The following HTR2C variants were observed in gnomAD, a reference collection of about 807,000 sequenced individuals.
HTR2C encodes the protein 5-hydroxytryptamine receptor 2C, also known as 5-hydroxytryptamine (serotonin) receptor 2C, G protein-coupled.
HTR2C carries 5 observed loss-of-function variants against 21.0 expected under a neutral mutation model. The ratio of observed to expected loss-of-function variants is 0.24; its 90% CI spans 0.12 to 0.50. The LOEUF is 0.50. Among genes scored for constraint, HTR2C ranks in the 20% least tolerant of loss-of-function variants. The pLI, the probability that HTR2C is intolerant of heterozygous loss-of-function variation, is 0.98. For synonymous variants in HTR2C, 150 were observed against 145.3 expected (o/e 1.03, Z -0.23); for missense variants, 271 against 371.2 (o/e 0.73, Z 2.22).
intron 5 of HTR2C, among the ~76,000 whole-genome samples, chrX:114,882,762 A>G (rs781810477): frequency 3.6e-5 from 4 of 110,055 alleles, no homozygotes; most frequent in Admixed American, 2.0e-4. Flanking sequence ...TTTTGTGTCC[A>G]TATTCCTAAG....
chrX:114,704,522 A>G (rs1295341610), intron 2 of HTR2C, among the ~76,000 whole-genome samples: 1 of 111,950 alleles, frequency 8.9e-6, no homozygotes, highest in African/African-American at 3.3e-5. Flanking sequence ...TTCATGCTAA[A>G]AACTCTCAAT....
chrX:114,614,502 C>T (rs1159281986), intron 2 of HTR2C, among the ~76,000 whole-genome samples: 4 of 110,642 alleles, frequency 3.6e-5, no homozygotes, highest in Admixed American at 9.7e-5. Context: ...TCAGGTGATC[C>T]GCCCACCTCG....
chrX:114,695,106 G>A (rs920495027), intron 2 of HTR2C, among the ~76,000 whole-genome samples: 17 of 111,730 alleles, frequency 1.5e-4, no homozygotes, highest in African/African-American at 4.9e-4. Context: ...CACGCAAACC[G>A]ATTACCTAAC....
intron 2 of HTR2C, among the ~76,000 whole-genome samples, chrX:114,658,205 T>C (rs1456498194): frequency 9.0e-6 from 1 of 111,721 alleles, no homozygotes; most frequent in African/African-American, 3.2e-5. Context: ...AATTCCAGAA[T>C]TGATCACTTT....
intron 5 of HTR2C, among the ~76,000 whole-genome samples, chrX:114,860,293 T>A (rs934550069): frequency 3.9e-4 from 43 of 111,378 alleles, no homozygotes; most frequent in African/African-American, 1.3e-3. Context: ...TGAGGTTATG[T>A]TATTTGGTTT....
chrX:114,668,918 C>T (rs1230922566), intron 2 of HTR2C, among the ~76,000 whole-genome samples: 1 of 110,879 alleles, frequency 9.0e-6, no homozygotes, highest in African/African-American at 3.3e-5. Context: ...ATATATATAA[C>T]ATGTGTATAT....
intron 2 of HTR2C, among the ~76,000 whole-genome samples, chrX:114,682,821 T>A (rs967808112): frequency 2.7e-5 from 3 of 111,825 alleles, no homozygotes; most frequent in Admixed American, 9.6e-5. Context: ...TACATTTCTC[T>A]TTAGGCTTTT....
intron 5 of HTR2C, among the ~76,000 whole-genome samples, chrX:114,848,769 G>GA (rs1223253045): frequency 1.0e-4 from 11 of 108,987 alleles, no homozygotes; most frequent in Non-Finnish European, 1.1e-4. Context: ...TATACAAAAA[G>GA]AAAAAAAAAT....
intron 2 of HTR2C, among the ~76,000 whole-genome samples, chrX:114,703,867 T>C (rs1442499291): frequency 1.9e-4 from 21 of 109,801 alleles, no homozygotes; most frequent in African/African-American, 3.3e-4. Context: ...TAAAAAATGA[T>C]AAAGGGGATA....
intron 5 of HTR2C, among the ~76,000 whole-genome samples, chrX:114,903,181 ATATTGT>A (rs1470137494): frequency 9.0e-6 from 1 of 111,552 alleles, no homozygotes; most frequent in Non-Finnish European, 1.9e-5. Flanking sequence ...TGTACAACAT[ATATTGT>A]TATTAATGCT....
chrX:114,614,394 G>T (rs1457682134), intron 2 of HTR2C, among the ~76,000 whole-genome samples: 1 of 110,223 alleles, frequency 9.1e-6, no homozygotes, highest in African/African-American at 3.3e-5. Context: ...TGGGTAGCTA[G>T]GATTACAGGT....
chrX:114,902,441 A>T (rs1011702156), intron 5 of HTR2C, among the ~76,000 whole-genome samples: 8 of 111,169 alleles, frequency 7.2e-5, no homozygotes, highest in Non-Finnish European at 1.5e-4. Context: ...GGTATTAGAA[A>T]TTAAAACTGA....
chrX:114,625,770 T>TATCTCAACAC (rs1238345983), intron 2 of HTR2C, among the ~76,000 whole-genome samples: 1 of 110,507 alleles, frequency 9.0e-6, no homozygotes, highest in Non-Finnish European at 1.9e-5. Flanking sequence ...AGAGAAAGAG[T>TATCTCAACAC]ATCTCAAAGT....
At chrX:114,879,244 T>G (rs1403367933) in intron 5 of HTR2C, among the ~76,000 whole-genome samples, 1 of 70,212 alleles carries the variant, frequency 1.4e-5, no homozygotes, top group African/African-American at 4.3e-5. Context: ...TCTCTGTCTT[T>G]AATAATATTC....
chrX:114,717,932 G>A (rs1484331373), intron 2 of HTR2C, among the ~76,000 whole-genome samples: 1 of 36,498 alleles, frequency 2.7e-5, no homozygotes, highest in East Asian at 0.014. Flanking sequence ...TGGCTCTTCT[G>A]CTCAAAAATT....
At position 114,590,777 on chromosome X, in the gene HTR2C, A is replaced by C. The variant is rs73638442; in HGVS notation, c.-147+6118A>C. On this transcript the variant is annotated intron_variant, in intron 1 of 5. Coordinates refer to ENST00000276198, the MANE Select transcript of HTR2C (RefSeq NM_000868.4). ...AAGCTTAGCCCTACCACACTGTTTTATTTTCCATTTCACAGTGAAATACAC... is the reference window on the plus strand; with the variant it reads ...AAGCTTAGCCCTACCACACTGTTTTCTTTTCCATTTCACAGTGAAATACAC... 8.6e-3 allele frequency among the ~76,000 whole-genome samples: 965 copies of C among 111,621 alleles called. 12 individuals carry two copies. Among genetic ancestry groups the C allele is most frequent in the African/African-American group, 0.029 (902 of 30,808 alleles).
intron 4 of HTR2C, among the ~76,000 whole-genome samples, chrX:114,809,106 G>A (rs1470960686): frequency 9.0e-6 from 1 of 111,360 alleles, no homozygotes; most frequent in Admixed American, 9.5e-5. Flanking sequence ...TTGGCCCTGG[G>A]CAGGCCTGGA....
At chrX:114,719,034 A>G (rs1933098549) in intron 2 of HTR2C, among the ~76,000 whole-genome samples, 1 of 103,698 alleles carries the variant, frequency 9.6e-6, no homozygotes, top group Non-Finnish European at 1.9e-5. Context: ...ATAAAATAAT[A>G]TAATAATATT....
chrX:114,744,444 C>T (rs937292172), intron 4 of HTR2C, among the ~76,000 whole-genome samples: 1 of 104,466 alleles, frequency 9.6e-6, no homozygotes, highest in Non-Finnish European at 1.9e-5. Context: ...CCAGTGTGTT[C>T]CAAAGCTCAT....
Sources: allele counts gnomAD v4.1 joint callset (sites outside exome capture counted in the v4.1 genomes callset), GRCh38; gene constraint gnomAD v4.1.1; transcripts MANE v1.5; gene names NCBI Gene and HGNC (gene_info 2026-07-23, HGNC 2026-07-21).